Variants in GSE1 observed in about 807,000 individuals in gnomAD.
The protein encoded by GSE1 is genetic suppressor element 1.
In GSE1, 32 loss-of-function variants were observed where a neutral mutation model predicts 112.6. The observed-to-expected ratio is 0.28, with a 90% CI of 0.21 to 0.38. The LOEUF is 0.38. GSE1 is among the 10% of genes least tolerant of loss of function. The pLI is 1.00. For missense variants in GSE1, 2,348 were observed against 1,699.2 expected, an observed-to-expected ratio of 1.38 and a Z score of -6.71; for synonymous variants, 1,115 against 735.6, an observed-to-expected ratio of 1.52 and a Z score of -8.35.
chr16:85,281,419 T>C (rs1009864896), intron 1 of GSE1, among the ~76,000 whole-genome samples: 2 of 151,982 alleles, frequency 1.3e-5, no homozygotes, highest in Admixed American at 6.6e-5. Context: ...CCAAAGGAGA[T>C]AATTATTACT....
chr16:85,272,471 C>A (rs1597250798), intron 1 of GSE1, among the ~76,000 whole-genome samples: 1 of 152,296 alleles, frequency 6.6e-6, no homozygotes, highest in East Asian at 1.9e-4. Context: ...TTGGTGAGAT[C>A]TTTCTACATG....
At chr16:85,633,229 C>G (rs1034254616) in intron 1 of GSE1, among the ~76,000 whole-genome samples, 2 of 152,174 alleles carry the variant, frequency 1.3e-5, no homozygotes, top group African/African-American at 4.8e-5. Flanking sequence ...TTCCCCACCG[C>G]TCCCTGTCAG....
At chr16:85,560,745 G>A (rs150078199) in intron 1 of GSE1, among the ~76,000 whole-genome samples, 1 of 152,100 alleles carries the variant, frequency 6.6e-6, no homozygotes, top group Non-Finnish European at 1.5e-5. Flanking sequence ...AACTCCACCA[G>A]GCTGCTAGCC....
At chr16:85,482,259 C>G (rs909517833) in intron 2 of GSE1, among the ~76,000 whole-genome samples, 1 of 152,244 alleles carries the variant, frequency 6.6e-6, no homozygotes, top group Non-Finnish European at 1.5e-5. Context: ...TGCTGGGACT[C>G]ACTGGCACTG....
intron 1 of GSE1, among the ~76,000 whole-genome samples, chr16:85,173,036 G>T (rs1440243140): frequency 6.6e-6 from 1 of 152,212 alleles, no homozygotes; most frequent in Non-Finnish European, 1.5e-5. Flanking sequence ...GTTTTAATTG[G>T]ATGAGCACGT....
intron 2 of GSE1, among the ~76,000 whole-genome samples, chr16:85,360,696 A>G (rs1193390277): frequency 6.6e-6 from 1 of 152,060 alleles, no homozygotes; most frequent in Non-Finnish European, 1.5e-5. Flanking sequence ...GACACAGTAC[A>G]TACACGCAAA....
intron 11 of GSE1, 133 bp from the exon 12 acceptor site, chr16:85,664,882 C>G (rs2052711173): frequency 1.6e-6 from 1 of 638,372 alleles, no homozygotes; most frequent in Admixed American, 2.4e-5. Context: ...TGGGCCTGCC[C>G]CATCACACCT....
At chr16:85,224,021 C>G (rs946320019) in intron 1 of GSE1, among the ~76,000 whole-genome samples, 7 of 152,044 alleles carry the variant, frequency 4.6e-5, no homozygotes, top group African/African-American at 1.4e-4. Flanking sequence ...AAAAGGAAGC[C>G]CCAGCCCCAT....
chr16:85,375,660 C>T (rs998674606), intron 2 of GSE1, among the ~76,000 whole-genome samples: 12 of 152,280 alleles, frequency 7.9e-5, no homozygotes, highest in African/African-American at 2.4e-4. Context: ...TGTCTTCCCT[C>T]GCCGGGCACC....
chr16:85,529,700 G>T (rs978520257), intron 2 of GSE1, among the ~76,000 whole-genome samples: 1 of 152,242 alleles, frequency 6.6e-6, no homozygotes, highest in Non-Finnish European at 1.5e-5. Flanking sequence ...ATGGAGGCCT[G>T]TTTGGGGGTA....
At chr16:85,175,548 A>G (rs2074444890) in intron 1 of GSE1, among the ~76,000 whole-genome samples, 1 of 152,110 alleles carries the variant, frequency 6.6e-6, no homozygotes. Flanking sequence ...GGGGTTGCGG[A>G]TGCGTTGACG....
rs2044643623 is a variant in GSE1, at chr16:85,544,893, G to A, written c.2465-89021G>A. Among the ~76,000 whole-genome samples the A allele has an allele frequency of 3.9e-5, 6 of 152,256 alleles. No homozygotes were observed. The South Asian group carries it at 1.2e-3, about 31-fold the overall frequency. On this transcript the variant is annotated intron_variant, in intron 2 of 2. Coordinates refer to the GSE1 transcript ENST00000637419. Reference sequence around the variant, plus strand: ...CAGAACAGGACCGCGGCCGGAGCAGGATGTGAGGAGGCCAGCCGTGCCCGC... The same window carrying A: ...CAGAACAGGACCGCGGCCGGAGCAGAATGTGAGGAGGCCAGCCGTGCCCGC...
intron 1 of GSE1, among the ~76,000 whole-genome samples, chr16:85,587,156 T>A (rs979220843): frequency 4.1e-5 from 6 of 145,242 alleles, no homozygotes; most frequent in Non-Finnish European, 6.0e-5. Flanking sequence ...GGCGCTCTGG[T>A]CTGAGGACGA....
intron 2 of GSE1, among the ~76,000 whole-genome samples, chr16:85,429,202 A>G (rs1271548897): frequency 6.6e-6 from 1 of 152,164 alleles, no homozygotes; most frequent in Non-Finnish European, 1.5e-5. Flanking sequence ...CTCAGGACAC[A>G]CAGCCCCCGC....
At chr16:85,348,889 A>T (rs2046796619) in intron 1 of GSE1, among the ~76,000 whole-genome samples, 1 of 151,124 alleles carries the variant, frequency 6.6e-6, no homozygotes, top group South Asian at 2.1e-4. Flanking sequence ...AGCCCCCGAG[A>T]GATGGGGGAG....
chr16:85,410,986 C>CG (rs2048518536), intron 2 of GSE1, among the ~76,000 whole-genome samples: 1 of 91,892 alleles, frequency 1.1e-5, no homozygotes. Flanking sequence ...CAGGGCCCCC[C>CG]GGATAATCCT....
In GSE1 at chr16:85,331,685, G is replaced by GTA. The variant is rs1205625835; in HGVS notation, c.2284-25756_2284-25755dup. 1.5e-3 allele frequency among the ~76,000 whole-genome samples: 68 copies of GTA among 44,242 alleles called. 2 individuals are homozygous for GTA. The highest frequency in any genetic ancestry group is 2.4e-3 in the Non-Finnish European group (54 of 22,804). 29.0% of individuals were successfully genotyped at this position (44,242 alleles called of 152,430 possible). On this transcript the variant is annotated intron_variant, in intron 1 of 2. Coordinates refer to the GSE1 transcript ENST00000637419. ...TATGTGTGTGTGTGTGTGTGTGTGT[G>GTA]TATATATATATATATATATATATTT...
At chr16:85,601,441 CA>C (rs562398289) in intron 1 of GSE1, among the ~76,000 whole-genome samples, 2 of 151,906 alleles carry the variant, frequency 1.3e-5, no homozygotes, top group African/African-American at 4.8e-5. Flanking sequence ...AATGGGAGCT[CA>C]AAGACAGGCC....
At chr16:85,244,094 C>T (rs1195422901) in intron 1 of GSE1, among the ~76,000 whole-genome samples, 1 of 152,134 alleles carries the variant, frequency 6.6e-6, no homozygotes, top group Admixed American at 6.5e-5. Context: ...CCATTGCACT[C>T]CAGCTTGGGC....
Sources: gnomAD v4.1 joint callset for allele counts (sites outside exome capture counted in the v4.1 genomes callset) on GRCh38, gnomAD v4.1.1 for gene constraint, MANE v1.5 for transcripts, NCBI Gene and HGNC (gene_info 2026-07-23, HGNC 2026-07-21) for gene names.